ZMIZ1: variants seen among roughly 807,000 people sequenced by gnomAD.
The protein encoded by ZMIZ1 is zinc finger MIZ domain-containing protein 1.
ZMIZ1 carries 17 observed loss-of-function variants against 113.9 expected under a neutral mutation model. The ratio of observed to expected loss-of-function variants is 0.15; its 90% confidence interval spans 0.10 to 0.22. The LOEUF is 0.22. Ranked by LOEUF, ZMIZ1 falls within the 10% of genes least tolerant of loss-of-function variation. The probability of loss-of-function intolerance (pLI) is 1.00; values close to 1 mark genes in which losing one functional copy is unlikely to be tolerated. For missense variants in ZMIZ1, 1,059 were observed against 1,477.8 expected (o/e 0.72, Z 4.65); for synonymous variants, 607 against 603.1 (o/e 1.01, Z -0.09).
At chr10:79,242,990 G>A (rs935417243) in intron 7 of ZMIZ1, among the ~76,000 whole-genome samples, 1 of 151,612 alleles carries the variant, frequency 6.6e-6, no homozygotes, top group African/African-American at 2.4e-5. Flanking sequence ...GCGGCGGGCT[G>A]GGGGGCGGGG....
chr10:79,078,935 A>G (rs1257897972), intron 1 of ZMIZ1, among the ~76,000 whole-genome samples: 1 of 152,150 alleles, frequency 6.6e-6, no homozygotes, highest in African/African-American at 2.4e-5. Flanking sequence ...CTTTCAGCTC[A>G]GGCATTGCAG....
At chr10:79,250,535 T>C (rs1850485299) in intron 7 of ZMIZ1, among the ~76,000 whole-genome samples, 1 of 152,230 alleles carries the variant, frequency 6.6e-6, no homozygotes, top group African/African-American at 2.4e-5. Context: ...GGCACCCACG[T>C]GCCCACTTTC....
At chr10:79,128,793 T>A (rs553003173) in intron 2 of ZMIZ1, among the ~76,000 whole-genome samples, 1 of 151,980 alleles carries the variant, frequency 6.6e-6, no homozygotes, top group Admixed American at 6.5e-5. Flanking sequence ...ATTTTGACAT[T>A]GGCCAGCATC....
chr10:79,275,582 T>C (rs1050446645), intron 7 of ZMIZ1, among the ~76,000 whole-genome samples: 20 of 152,212 alleles, frequency 1.3e-4, no homozygotes, highest in African/African-American at 4.1e-4. Context: ...TGCCTATGGG[T>C]GTCTTCCACC....
Position 79,068,985 on chromosome 10 carries a change from C to G in ZMIZ1, c.-622C>G. 6.6e-6 allele frequency: 1 copy of G among 151,854 alleles called. No individual in the cohort carries two copies. Among genetic ancestry groups the G allele is most frequent in the South Asian group, 1.8e-4 (1 of 5,522 alleles). 9.4% of individuals were successfully genotyped at this position (151,854 alleles called of 1,614,324 possible). On this transcript the variant is annotated 5_prime_UTR_variant, in exon 1 of 25. Transcript: ENST00000334512. ...TGATTCACTTACTCACCCCCTAACG[C>G]CGAGTTCCTTTTCACTGTCTGTGGA... is the stretch of plus-strand genomic sequence containing the variant.
In ZMIZ1 at chr10:79,311,046, T is replaced by C. The variant is rs1485460985; in HGVS notation, c.2958T>C (p.Pro986=). The C allele has an allele frequency of 1.9e-6, 3 of 1,613,446 alleles. No homozygotes were observed. The highest frequency in any genetic ancestry group is 2.2e-5 in the East Asian group (1 of 44,860). Reference sequence around the variant, plus strand: ...ACAGTGGGGCTCCTCCTCCTCCTCCTTCCCAGCCTCCCCGGCAGCCGCCAC... The same window carrying C: ...ACAGTGGGGCTCCTCCTCCTCCTCCCTCCCAGCCTCCCCGGCAGCCGCCAC... The part of the protein sequence containing the change: ...LHHSGAPPPP[P]SQPPRQPPQA... Residue 986 remains proline, a synonymous_variant, in exon 24 of 25, where the codon CCT becomes CCC. Coordinates refer to ENST00000334512, the MANE Select transcript of ZMIZ1 (RefSeq NM_020338.4).
intron 7 of ZMIZ1, among the ~76,000 whole-genome samples, chr10:79,235,680 T>A (rs188510623): frequency 1.7e-4 from 26 of 152,300 alleles, no homozygotes; most frequent in Admixed American, 1.2e-3. Flanking sequence ...CAAGTCCAGG[T>A]CTAGCCCTGA....
At chr10:79,153,816 G>A (rs1240111749) in intron 3 of ZMIZ1, among the ~76,000 whole-genome samples, 2 of 152,238 alleles carry the variant, frequency 1.3e-5, no homozygotes, top group East Asian at 1.9e-4. Flanking sequence ...GCCACCACCC[G>A]CTAGCAAGAA....
At chr10:79,091,658 G>A (rs1276454975) in intron 1 of ZMIZ1, among the ~76,000 whole-genome samples, 1 of 152,208 alleles carries the variant, frequency 6.6e-6, no homozygotes, top group Non-Finnish European at 1.5e-5. Context: ...CAAGGAGCGG[G>A]AGGAAAGGTA....
In ZMIZ1 at chr10:79,190,512, C is replaced by T. The variant is rs146094612; in HGVS notation, c.-49-11072C>T. On this transcript the variant is annotated intron_variant, in intron 4 of 24. Transcript: ENST00000334512. The stretch of plus-strand genomic sequence containing the variant: ...TTGTTTTTCCATCTACCACTTTTAG[C>T]TCAAGTAAATGTCTGCCTTCTGATT... 2.6e-5 allele frequency among the ~76,000 whole-genome samples: 4 copies of T among 152,336 alleles called. No individual in the cohort carries two copies. The East Asian group carries it at 7.7e-4, about 29-fold the overall frequency.
chr10:79,096,531 G>T (rs1484035705), intron 1 of ZMIZ1, among the ~76,000 whole-genome samples: 1 of 152,158 alleles, frequency 6.6e-6, no homozygotes, highest in African/African-American at 2.4e-5. Flanking sequence ...GAAAAGAAAA[G>T]AAAAGAAATG....
intron 5 of ZMIZ1, 128 bp downstream of exon 5, chr10:79,201,820 A>G: frequency 9.9e-7 from 1 of 1,011,686 alleles, no homozygotes; most frequent in South Asian, 1.4e-5. Flanking sequence ...CGAGGCCGTT[A>G]TTGGCATGCT....
intron 7 of ZMIZ1, among the ~76,000 whole-genome samples, chr10:79,253,345 C>CA (rs1850665621): frequency 6.6e-6 from 1 of 152,108 alleles, no homozygotes; most frequent in Non-Finnish European, 1.5e-5. Flanking sequence ...GGCTTACAAA[C>CA]ACACTGGGTG....
chr10:79,091,107 C>T (rs1303365937), intron 1 of ZMIZ1, among the ~76,000 whole-genome samples: 1 of 152,236 alleles, frequency 6.6e-6, no homozygotes, highest in Non-Finnish European at 1.5e-5. Context: ...TCTCCAGCAT[C>T]TTCTAGGGGA....
intron 7 of ZMIZ1, among the ~76,000 whole-genome samples, chr10:79,252,073 C>T (rs923543067): frequency 1.3e-5 from 2 of 152,134 alleles, no homozygotes; most frequent in Non-Finnish European, 2.9e-5. Flanking sequence ...CCAACTTTGG[C>T]CCTTGAAATG....
chr10:79,296,413 G>C lies in ZMIZ1; in HGVS notation c.1231-58G>C. The C allele has an allele frequency of 6.3e-7, 1 of 1,589,058 alleles. No individual in the cohort carries two copies. The highest frequency in any genetic ancestry group is 1.1e-5 in the South Asian group (1 of 89,296). On this transcript the variant is annotated intron_variant, in intron 12 of 24. Coordinates refer to ENST00000334512, the MANE Select transcript of ZMIZ1 (RefSeq NM_020338.4). This position sits in a 1 kb window ranked among gnomAD's most constrained non-coding sequence, Gnocchi z 4.1. The stretch of plus-strand genomic sequence containing the variant: ...CCCATCCCGTTGTTCAGGTGACCTG[G>C]CTATGTGACGTTGGCAACATTGAAC...
chr10:79,252,727 G>T (rs1375677016), intron 7 of ZMIZ1, among the ~76,000 whole-genome samples: 1 of 152,226 alleles, frequency 6.6e-6, no homozygotes, highest in Non-Finnish European at 1.5e-5. Context: ...GTGTGAGTGT[G>T]TGCAGGCATC....
intron 7 of ZMIZ1, among the ~76,000 whole-genome samples, chr10:79,219,406 A>T (rs1693812757): frequency 6.6e-6 from 1 of 152,224 alleles, no homozygotes; most frequent in Non-Finnish European, 1.5e-5. Flanking sequence ...ATGGAAGCTC[A>T]GAGAGGTCCT....
At chr10:79,305,427 T>TGC in intron 20 of ZMIZ1, 106 bp from the exon 21 acceptor site, 1 of 1,350,660 alleles carries the variant, frequency 7.4e-7, no homozygotes, top group Non-Finnish European at 1.1e-6. Context: ...CCTCCAGTAG[T>TGC]AACCAGCAGC....
Sources: allele counts gnomAD v4.1 joint callset (sites outside exome capture counted in the v4.1 genomes callset), GRCh38; gene constraint gnomAD v4.1.1; non-coding constraint Gnocchi (gnomAD v3.1); transcripts MANE v1.5; gene names NCBI Gene and HGNC (gene_info 2026-07-23, HGNC 2026-07-21).